Variants in ADAMTSL1 observed in about 807,000 individuals in gnomAD.
ADAMTSL1 encodes ADAMTS-like protein 1.
Under a neutral mutation model 201.8 loss-of-function variants are expected in ADAMTSL1, and 126 were observed. That is an observed-to-expected ratio of 0.62 (90% confidence interval 0.54 to 0.72). ADAMTSL1 has a LOEUF of 0.72. Ranked by LOEUF, ADAMTSL1 falls within the 30% of genes least tolerant of loss-of-function variation. ADAMTSL1 has a pLI of 0.00. For missense variants in ADAMTSL1, 2,679 were observed against 2,277.8 expected, an observed-to-expected ratio of 1.18 and a Z score of -3.59; for synonymous variants, 1,121 against 903.4, an observed-to-expected ratio of 1.24 and a Z score of -4.32.
chr9:17,952,996 T>C (rs1827788999), intron 1 of ADAMTSL1, among the ~76,000 whole-genome samples: 1 of 150,748 alleles, frequency 6.6e-6, no homozygotes, highest in Non-Finnish European at 1.5e-5. Flanking sequence ...CTTGACTCTT[T>C]CATATGAAGT....
intron 1 of ADAMTSL1, among the ~76,000 whole-genome samples, chr9:18,113,234 A>G (rs1476989400): frequency 6.6e-6 from 1 of 152,186 alleles, no homozygotes; most frequent in African/African-American, 2.4e-5. Context: ...GGCCATGTCC[A>G]GGCATTTAGG....
At chr9:18,702,948 G>A (rs2133310941) in intron 13 of ADAMTSL1, among the ~76,000 whole-genome samples, 1 of 152,080 alleles carries the variant, frequency 6.6e-6, no homozygotes, top group East Asian at 1.9e-4. Context: ...TCTTTATAGA[G>A]ACAGGGCTTC....
chr9:17,991,506 C>T (rs1212953785), intron 1 of ADAMTSL1, among the ~76,000 whole-genome samples: 1 of 152,092 alleles, frequency 6.6e-6, no homozygotes, highest in Admixed American at 6.5e-5. Flanking sequence ...AGATATTCAC[C>T]TTTGCTCAGA....
At chr9:18,265,984 A>G (rs912817871) in intron 2 of ADAMTSL1, among the ~76,000 whole-genome samples, 4 of 152,180 alleles carry the variant, frequency 2.6e-5, no homozygotes, top group South Asian at 2.1e-4. Context: ...TGACATTAAC[A>G]TGGAATAACT....
chr9:18,639,531 A>T, intron 7 of ADAMTSL1, 120 bp downstream of exon 7: 1 of 1,206,498 alleles, frequency 8.3e-7, no homozygotes, highest in South Asian at 1.6e-5. Flanking sequence ...TTTGTTACCC[A>T]GGAAATGTTT....
At chr9:18,509,281 A>T (rs1259791919) in intron 2 of ADAMTSL1, among the ~76,000 whole-genome samples, 1 of 142,262 alleles carries the variant, frequency 7.0e-6, no homozygotes, top group African/African-American at 2.6e-5. Flanking sequence ...ACTTCGAATC[A>T]GTTTGATTTT....
At chr9:18,875,726 G>A (rs1828105069) in intron 23 of ADAMTSL1, among the ~76,000 whole-genome samples, 1 of 152,162 alleles carries the variant, frequency 6.6e-6, no homozygotes, top group Non-Finnish European at 1.5e-5. Context: ...ATATTCTGCA[G>A]TTGTTGGGTA....
intron 26 of ADAMTSL1, among the ~76,000 whole-genome samples, chr9:18,898,416 C>T (rs1829794311): frequency 6.6e-6 from 1 of 152,122 alleles, no homozygotes; most frequent in Admixed American, 6.6e-5. Context: ...AAGAAAGAAC[C>T]TCAGAACTTG....
chr9:18,618,616 C>T (rs944770513), intron 4 of ADAMTSL1, among the ~76,000 whole-genome samples: 2 of 150,734 alleles, frequency 1.3e-5, no homozygotes, highest in African/African-American at 2.4e-5. Flanking sequence ...CGTCCAAGTG[C>T]GGTTCAGGAA....
At chr9:18,653,503 C>T (rs1295323233) in intron 7 of ADAMTSL1, among the ~76,000 whole-genome samples, 1 of 151,952 alleles carries the variant, frequency 6.6e-6, no homozygotes, top group Non-Finnish European at 1.5e-5. Context: ...AGGTTGGGCA[C>T]AGTGGCTTAT....
intron 1 of ADAMTSL1, among the ~76,000 whole-genome samples, chr9:17,989,091 G>T (rs1287398054): frequency 2.0e-5 from 3 of 151,546 alleles, no homozygotes; most frequent in South Asian, 2.1e-4. Context: ...TTATATAGAG[G>T]AAACTACTTT....
rs16936832 is a variant in ADAMTSL1 at position 18,533,259 on chromosome 9, A to G, written c.204A>G (p.Gly68=). The change falls in exon 3 of 29, where the codon GGA becomes GGG. Residue 68 remains glycine (G), a synonymous_variant. Transcript: ENST00000380548. Reference sequence around the variant, plus strand: ...TTTTGCAACTTAGGAGCTGTGAAGGAAGAAATATCCGATACAGAACATGCA... The same window carrying G: ...TTTTGCAACTTAGGAGCTGTGAAGGGAGAAATATCCGATACAGAACATGCA... ...RRCLSSKSCE[G]RNIRYRTCSN... 2.3e-3 allele frequency: 3,683 copies of G among 1,606,928 alleles called. 81 individuals carry two copies. The African/African-American group carries it at 0.043, about 19-fold the overall frequency.
intron 1 of ADAMTSL1, among the ~76,000 whole-genome samples, chr9:17,959,098 T>C (rs1290759817): frequency 8.5e-5 from 13 of 152,222 alleles, no homozygotes; most frequent in Admixed American, 6.5e-4. Context: ...ACATAAATTC[T>C]GTATGTAGTT....
rs376727239 is a variant in ADAMTSL1, at chr9:18,706,928, G to A, written c.1756G>A (p.Glu586Lys). The change falls in exon 14 of 29, where the codon GAA becomes AAA. Residue 586 changes from glutamate (E) to lysine (K), a missense_variant. Transcript: ENST00000380548. ...CTGTTATGCAGGCCCATGCAGCGGGGAAATTCCTGAGTTCAACCCAGACGA... is the reference window on the plus strand; with the variant it reads ...CTGTTATGCAGGCCCATGCAGCGGGAAAATTCCTGAGTTCAACCCAGACGA... ...RACYAGPCSGEIPEFNPDETD... is the reference protein window; with the variant it reads ...RACYAGPCSGKIPEFNPDETD... 2 of 1,613,892 alleles carry A rather than the reference G, an allele frequency of 1.2e-6. No homozygotes were observed. The highest frequency in any genetic ancestry group is 2.7e-5 in the African/African-American group (2 of 74,940).
At chr9:18,529,082 T>A (rs940611941) in intron 2 of ADAMTSL1, among the ~76,000 whole-genome samples, 1 of 152,226 alleles carries the variant, frequency 6.6e-6, no homozygotes, top group Admixed American at 6.5e-5. Flanking sequence ...AGGAATTAAA[T>A]CCTTGTGGTG....
intron 2 of ADAMTSL1, among the ~76,000 whole-genome samples, chr9:18,186,004 C>T (rs925026325): frequency 2.6e-5 from 4 of 152,154 alleles, no homozygotes; most frequent in Non-Finnish European, 5.9e-5. Context: ...ATATCCCTTT[C>T]TCACAGTGTG....
At chr9:18,727,470 C>G (rs924508922) in intron 15 of ADAMTSL1, among the ~76,000 whole-genome samples, 5 of 152,236 alleles carry the variant, frequency 3.3e-5, no homozygotes, top group African/African-American at 1.2e-4. Flanking sequence ...GATGTACTTA[C>G]ACTGTCTCTC....
chr9:18,822,413 G>T (rs961125065), intron 21 of ADAMTSL1, among the ~76,000 whole-genome samples: 17 of 152,182 alleles, frequency 1.1e-4, no homozygotes, highest in African/African-American at 3.9e-4. Flanking sequence ...TTAAGCCTTT[G>T]ACAGTTCAGA....
At chr9:18,519,722 A>T (rs1245390615) in intron 2 of ADAMTSL1, among the ~76,000 whole-genome samples, 1 of 152,220 alleles carries the variant, frequency 6.6e-6, no homozygotes, top group Non-Finnish European at 1.5e-5. Context: ...GGAAAACATT[A>T]TACAAAAAGC....
Sources: gnomAD v4.1 joint callset for allele counts (sites outside exome capture counted in the v4.1 genomes callset) on GRCh38, gnomAD v4.1.1 for gene constraint, MANE v1.5 for transcripts, NCBI Gene and HGNC (gene_info 2026-07-23, HGNC 2026-07-21) for gene names.